Variants in POLE2 observed in about 807,000 individuals in gnomAD.
POLE2 encodes DNA polymerase epsilon 2, accessory subunit, also known as DNA polymerase epsilon subunit 2.
A neutral mutation model predicts 79.4 loss-of-function variants in POLE2; 56 were observed. That is an observed-to-expected ratio of 0.71 (90% CI 0.57 to 0.88). The LOEUF is 0.88. Among genes scored for constraint, POLE2 ranks in the 40% least tolerant of loss-of-function variants. POLE2 has a pLI of 0.00. For synonymous variants in POLE2, 212 were observed against 214.0 expected, an observed-to-expected ratio of 0.99 and a Z score of 0.08; for missense variants, 598 against 638.9, an observed-to-expected ratio of 0.94 and a Z score of 0.69.
intron 1 of POLE2, chr14:49,684,411 G>C (rs1886966991): frequency 1.3e-5 from 2 of 151,694 alleles, no homozygotes; most frequent in Non-Finnish European, 2.9e-5. Context: ...CTTGCAGTAA[G>C]CCGAGATCGC....
At chr14:49,644,491 C>T (rs1402492602) in intron 18 of POLE2, among the ~76,000 whole-genome samples, 1 of 144,130 alleles carries the variant, frequency 6.9e-6, no homozygotes, top group Non-Finnish European at 1.5e-5. Context: ...GCCTGGGCAA[C>T]AAGAGCAAAA....
intron 17 of POLE2, among the ~76,000 whole-genome samples, chr14:49,649,362 G>T (rs1259123386): frequency 6.6e-6 from 1 of 150,904 alleles, no homozygotes; most frequent in East Asian, 2.0e-4. Flanking sequence ...TAGCCAGGAT[G>T]GTCTCGATCT....
intron 17 of POLE2, among the ~76,000 whole-genome samples, chr14:49,649,137 C>CT (rs374201091): frequency 0.035 from 3,789 of 108,760 alleles, 658 homozygotes; most frequent in African/African-American, 0.083. Flanking sequence ...ATTTCTTTCC[C>CT]TTTTTTTTTT....
intron 10 of POLE2, among the ~76,000 whole-genome samples, chr14:49,658,817 TAAC>T (rs1323211677): frequency 1.3e-5 from 2 of 152,234 alleles, no homozygotes; most frequent in South Asian, 2.1e-4. Context: ...TAACACTTGA[TAAC>T]AATAATAAAT....
chr14:49,671,514 G>A (rs374610522), intron 5 of POLE2, among the ~76,000 whole-genome samples: 1 of 151,788 alleles, frequency 6.6e-6, no homozygotes, highest in Admixed American at 6.6e-5. Flanking sequence ...CTACTCGGGA[G>A]GCTGAGGCAG....
intron 10 of POLE2, among the ~76,000 whole-genome samples, chr14:49,660,991 A>G (rs997399232): frequency 2.6e-5 from 4 of 152,246 alleles, no homozygotes; most frequent in Middle Eastern, 6.8e-3. Flanking sequence ...GTGCAGTGGC[A>G]GGATCTCAGC....
intron 3 of POLE2, chr14:49,677,465 G>A: frequency 2.1e-6 from 1 of 474,452 alleles, no homozygotes; most frequent in South Asian, 2.6e-5. Flanking sequence ...GGGGCAGCCA[G>A]TTTTAATACA....
Position 49,687,303 on chromosome 14 carries a change from CACA to C in POLE2, c.68+830_68+832del, listed in dbSNP as rs1566579241. 1.0e-4 allele frequency among the ~76,000 whole-genome samples: 5 copies of C among 49,554 alleles called. No homozygotes were observed. The East Asian group carries it at 1.0e-3, about 10-fold the overall frequency. The allele number at this position is 49,554 out of a possible 152,430, so 32.5% of individuals were successfully genotyped here. ...CATATATATATATACACACACACCA[CACA>C]CACACACACACACACACACACACAC... On this transcript the variant is annotated intron_variant, in intron 1 of 18. Transcript: ENST00000216367.
chr14:49,656,060 A>G (rs1884641816), intron 10 of POLE2, among the ~76,000 whole-genome samples: 1 of 152,198 alleles, frequency 6.6e-6, no homozygotes, highest in Non-Finnish European at 1.5e-5. Flanking sequence ...TCTGTGTCTT[A>G]AAACTGACTA....
At chr14:49,659,762 T>C (rs1252273506) in intron 10 of POLE2, among the ~76,000 whole-genome samples, 4 of 151,984 alleles carry the variant, frequency 2.6e-5, no homozygotes, top group Non-Finnish European at 5.9e-5. Context: ...GTTGTTGTTG[T>C]TGTTGGTAGA....
chr14:49,653,265 A>C (rs1884410332), intron 15 of POLE2, among the ~76,000 whole-genome samples: 1 of 152,230 alleles, frequency 6.6e-6, no homozygotes, highest in Non-Finnish European at 1.5e-5. Flanking sequence ...GCCAGAGGAC[A>C]CTGGAGAAGG....
In POLE2 at chr14:49,646,302, G is replaced by T. The variant is rs1341156537; in HGVS notation, c.1565+991C>A. Among the ~76,000 whole-genome samples the T allele has an allele frequency of 3.1e-3, 260 of 84,590 alleles. 5 individuals are homozygous for T. Among genetic ancestry groups the T allele is most frequent in the African/African-American group, 0.014 (230 of 16,984 alleles). The allele number at this position is 84,590 out of a possible 152,430, so 55.5% of individuals were successfully genotyped here. On this transcript the variant is annotated intron_variant, in intron 18 of 18. Transcript: ENST00000216367. ...GATTTGGTCAGTTGTTTTTTTGTTGGTTTTTTTTTTTTTTTTTTTTTTTTT... is the reference window on the plus strand; with the variant it reads ...GATTTGGTCAGTTGTTTTTTTGTTGTTTTTTTTTTTTTTTTTTTTTTTTTT...
chr14:49,674,253 T>C (rs1351056475), intron 4 of POLE2, 37 bp from the exon 5 acceptor site: 1 of 1,504,884 alleles, frequency 6.6e-7, no homozygotes, highest in Non-Finnish European at 9.3e-7. Context: ...ACTATCATAA[T>C]ACACAAAGGT....
intron 7 of POLE2, among the ~76,000 whole-genome samples, chr14:49,665,810 C>T (rs1885443873): frequency 6.6e-6 from 1 of 151,120 alleles, no homozygotes; most frequent in Non-Finnish European, 1.5e-5. Context: ...CTCTGCTGAA[C>T]AGCCATTATT....
chr14:49,654,897 G>T (rs938169826), intron 12 of POLE2, 59 bp from the exon 13 acceptor site: 1 of 1,436,622 alleles, frequency 7.0e-7, no homozygotes, highest in South Asian at 1.5e-5. Context: ...AATTATATTT[G>T]ATTAGATACA....
At chr14:49,673,332 G>A (rs954066880) in intron 5 of POLE2, among the ~76,000 whole-genome samples, 1 of 152,144 alleles carries the variant, frequency 6.6e-6, no homozygotes, top group African/African-American at 2.4e-5. Flanking sequence ...CTCACACAAG[G>A]AGAACAGTCC....
At chr14:49,674,878 T>C (rs1886152824) in intron 3 of POLE2, among the ~76,000 whole-genome samples, 1 of 152,040 alleles carries the variant, frequency 6.6e-6, no homozygotes, top group South Asian at 2.1e-4. Flanking sequence ...TAATTTCTTA[T>C]AGTGTCAAAA....
intron 5 of POLE2, among the ~76,000 whole-genome samples, chr14:49,673,329 AAGG>A (rs1442979195): frequency 1.3e-5 from 2 of 152,200 alleles, no homozygotes; most frequent in Non-Finnish European, 2.9e-5. Context: ...CACCTCACAC[AAGG>A]AGAACAGTCC....
At chr14:49,686,074 AAT>A (rs1273636681) in intron 1 of POLE2, among the ~76,000 whole-genome samples, 1 of 152,116 alleles carries the variant, frequency 6.6e-6, no homozygotes, top group Non-Finnish European at 1.5e-5. Flanking sequence ...ATAGCTGTAA[AAT>A]AGTCATTTAA....
Sources: allele counts gnomAD v4.1 joint callset (sites outside exome capture counted in the v4.1 genomes callset), GRCh38; gene constraint gnomAD v4.1.1; transcripts MANE v1.5; gene names NCBI Gene and HGNC (gene_info 2026-07-23, HGNC 2026-07-21).